ATP5F1C: variants seen among roughly 807,000 people sequenced by gnomAD.
ATP5F1C encodes the protein ATP synthase F(1) complex subunit gamma, mitochondrial.
A neutral mutation model predicts 37.4 loss-of-function variants in ATP5F1C; 22 were observed. The ratio of observed to expected loss-of-function variants is 0.59; its 90% CI spans 0.42 to 0.84. The LOEUF is 0.84. Among genes scored for constraint, ATP5F1C ranks in the 40% least tolerant of loss-of-function variants. ATP5F1C has a pLI of 0.00. For synonymous variants in ATP5F1C, 121 were observed against 128.0 expected, an observed-to-expected ratio of 0.95 and a Z score of 0.37; for missense variants, 286 against 362.4, an observed-to-expected ratio of 0.79 and a Z score of 1.71.
At chr10:7,794,571 G>A (rs1836209688) in intron 1 of ATP5F1C, among the ~76,000 whole-genome samples, 1 of 151,790 alleles carries the variant, frequency 6.6e-6, no homozygotes, top group Non-Finnish European at 1.5e-5. Context: ...TCATGACTGG[G>A]TGTTAGATTT....
intron 3 of ATP5F1C, among the ~76,000 whole-genome samples, chr10:7,798,382 C>T (rs1836281645): frequency 6.6e-6 from 1 of 151,750 alleles, no homozygotes; most frequent in African/African-American, 2.4e-5. Context: ...GATTAACAGG[C>T]CCCCACCATC....
intron 1 of ATP5F1C, among the ~76,000 whole-genome samples, chr10:7,795,671 C>G (rs1029203261): frequency 6.6e-6 from 1 of 152,158 alleles, no homozygotes; most frequent in Non-Finnish European, 1.5e-5. Flanking sequence ...ATATAAACTA[C>G]TTTTACACGT....
intron 2 of ATP5F1C, 114 bp downstream of exon 2, chr10:7,796,269 C>A: frequency 1.1e-6 from 1 of 888,448 alleles, no homozygotes; most frequent in Non-Finnish European, 1.7e-6. Context: ...CAAAACTGAC[C>A]AAATGGATTT....
At chr10:7,802,476 T>G in intron 7 of ATP5F1C, 51 bp downstream of exon 7, 4 of 1,567,590 alleles carry the variant, frequency 2.6e-6, no homozygotes, top group Non-Finnish European at 3.5e-6. Context: ...GAGCACACAG[T>G]GAATCTCAGC....
intron 4 of ATP5F1C, 123 bp downstream of exon 4, chr10:7,799,317 T>C: frequency 1.2e-6 from 1 of 869,272 alleles, no homozygotes; most frequent in Non-Finnish European, 1.8e-6. Context: ...AGGGCCTTTT[T>C]TGGTATATTC....
At chr10:7,798,293 A>G (rs896299393) in intron 3 of ATP5F1C, among the ~76,000 whole-genome samples, 4 of 151,706 alleles carry the variant, frequency 2.6e-5, no homozygotes, top group African/African-American at 4.8e-5. Context: ...CTAGAGTGCA[A>G]TGGTGCAATC....
intron 1 of ATP5F1C, among the ~76,000 whole-genome samples, chr10:7,788,700 C>T (rs1187697655): frequency 1.3e-5 from 2 of 152,102 alleles, no homozygotes; most frequent in African/African-American, 4.8e-5. Flanking sequence ...CCTTGACGCC[C>T]TTTGAAACCC....
chr10:7,807,546 T>C (rs902778155), intron 9 of ATP5F1C, 113 bp from the exon 10 acceptor site: 1 of 1,280,540 alleles, frequency 7.8e-7, no homozygotes, highest in Non-Finnish European at 1.1e-6. Flanking sequence ...TAACACTTTA[T>C]TGTGTAAATT....
Position 7,788,253 on chromosome 10 carries a change from C to T in ATP5F1C, c.46C>T (p.Gln16Ter). Reference sequence around the variant, plus strand: ...CGCTGGGCTGTCGGCCTGGACCTTGCAGCCGCAATGGTATGGCAGCTTGCG... The same window carrying T: ...CGCTGGGCTGTCGGCCTGGACCTTGTAGCCGCAATGGTATGGCAGCTTGCG... ...GVAGLSAWTLQPQWIQVRNMA... is the reference protein window; with the variant it reads ...GVAGLSAWTL Residue 16 changes from glutamine (Q) to a stop codon, truncating the protein, a stop_gained, in exon 1 of 10, where the codon CAG becomes TAG. Transcript: ENST00000356708. LOFTEE classifies it high-confidence loss of function. 1 of 1,613,428 alleles carries T rather than the reference C, an allele frequency of 6.2e-7. No individual in the cohort carries two copies.
intron 1 of ATP5F1C, among the ~76,000 whole-genome samples, chr10:7,790,177 A>G (rs947427774): frequency 6.6e-6 from 1 of 152,236 alleles, no homozygotes; most frequent in Non-Finnish European, 1.5e-5. Flanking sequence ...GGGGAAGAAA[A>G]GACCTTTGTC....
rs749628108 is a variant in ATP5F1C at position 7,802,838 on chromosome 10, T to G, written c.874T>G (p.Ser292Ala). The G allele has an allele frequency of 2.7e-5, 44 of 1,613,776 alleles. No homozygotes were observed. The highest frequency in any genetic ancestry group is 3.6e-5 in the Non-Finnish European group (43 of 1,179,918). ...CACAAAAGAGTTGATTGAAATTATC[T>G]CTGGTGCTGCAGCTCTGTGAGTAAT... ...VITKELIEIISGAAALD is the reference protein window; with the variant it reads ...VITKELIEIIAGAAALD Residue 292 changes from serine (S) to alanine (A), a missense_variant, in exon 8 of 10, where the codon TCT becomes GCT. Physicochemically the swap from Ser to Ala is moderately conservative, Grantham distance 99. Coordinates refer to ENST00000356708, the MANE Select transcript of ATP5F1C (RefSeq NM_001001973.3).
chr10:7,800,491 A>ATTTTTT (rs137972460), intron 6 of ATP5F1C, among the ~76,000 whole-genome samples: 1 of 113,390 alleles, frequency 8.8e-6, no homozygotes. Flanking sequence ...CCAGCCTTTT[A>ATTTTTT]TTTTTTTATT....
intron 1 of ATP5F1C, among the ~76,000 whole-genome samples, chr10:7,789,391 T>A (rs1298683577): frequency 6.6e-6 from 1 of 152,232 alleles, no homozygotes; most frequent in East Asian, 1.9e-4. Flanking sequence ...GAATGATATC[T>A]GATGTGAATT....
intron 2 of ATP5F1C, 23 bp downstream of exon 2, chr10:7,796,178 T>C: frequency 6.4e-7 from 1 of 1,570,282 alleles, no homozygotes; most frequent in South Asian, 1.2e-5. Flanking sequence ...TTTGTCTCAA[T>C]ATGTGAATTG....
chr10:7,793,296 A>G (rs1209616956), intron 1 of ATP5F1C, among the ~76,000 whole-genome samples: 1 of 152,176 alleles, frequency 6.6e-6, no homozygotes, highest in Non-Finnish European at 1.5e-5. Flanking sequence ...TATTTTTAGT[A>G]GAGACGGGGT....
intron 4 of ATP5F1C, 53 bp downstream of exon 4, chr10:7,799,247 C>T (rs556424012): frequency 6.5e-7 from 1 of 1,535,628 alleles, no homozygotes; most frequent in Non-Finnish European, 8.9e-7. Context: ...ACGAATAAAT[C>T]TTCTCTCAAA....
chr10:7,798,196 ATG>A (rs35871024), intron 3 of ATP5F1C, among the ~76,000 whole-genome samples: 12 of 150,868 alleles, frequency 8.0e-5, no homozygotes, highest in South Asian at 2.1e-4. Context: ...TTGTTTTTTT[ATG>A]TGTGTGTGTG....
At chr10:7,791,076 C>T (rs1836155720) in intron 1 of ATP5F1C, among the ~76,000 whole-genome samples, 1 of 151,968 alleles carries the variant, frequency 6.6e-6, no homozygotes, top group Admixed American at 6.6e-5. Flanking sequence ...CCGAGGCGGG[C>T]GGATCACAAG....
chr10:7,804,799 G>A (rs1232141700), intron 8 of ATP5F1C, among the ~76,000 whole-genome samples: 2 of 152,246 alleles, frequency 1.3e-5, no homozygotes, highest in Non-Finnish European at 2.9e-5. Flanking sequence ...AGAACTGGAA[G>A]TTCAGAAGAG....
Sources: allele counts gnomAD v4.1 joint callset (sites outside exome capture counted in the v4.1 genomes callset), GRCh38; gene constraint gnomAD v4.1.1; transcripts MANE v1.5; gene names NCBI Gene and HGNC (gene_info 2026-07-23, HGNC 2026-07-21).